Variants in FAR1 observed in about 807,000 individuals in gnomAD.
The protein encoded by FAR1 is fatty acyl-CoA reductase 1.
Under a neutral mutation model 61.1 loss-of-function variants are expected in FAR1, and 22 were observed. That is an observed-to-expected ratio of 0.36 (90% CI 0.26 to 0.51). FAR1 has a LOEUF of 0.51. FAR1 is among the 20% of genes least tolerant of loss of function. The probability of loss-of-function intolerance (pLI) is 0.95; values close to 1 mark genes in which losing one functional copy is unlikely to be tolerated. For synonymous variants in FAR1, 206 were observed against 209.7 expected (o/e 0.98, Z 0.15); for missense variants, 359 against 626.9 (o/e 0.57, Z 4.56).
At chr11:13,693,751 A>G (rs1042831849) in intron 1 of FAR1, among the ~76,000 whole-genome samples, 1 of 152,110 alleles carries the variant, frequency 6.6e-6, no homozygotes, top group African/African-American at 2.4e-5. Flanking sequence ...TATTCTACCA[A>G]TTCAGTCTTA....
At chr11:13,708,598 T>C (rs867032938) in intron 4 of FAR1, among the ~76,000 whole-genome samples, 6 of 152,238 alleles carry the variant, frequency 3.9e-5, no homozygotes, top group Middle Eastern at 6.8e-3. Flanking sequence ...CCAAGTATAA[T>C]GGTAATATTT....
chr11:13,712,167 A>G, intron 7 of FAR1, 121 bp downstream of exon 7: 2 of 698,416 alleles, frequency 2.9e-6, no homozygotes, highest in South Asian at 3.5e-5. Context: ...TTTAGGCTGT[A>G]TCACTGCCAA....
chr11:13,681,305 G>A (rs1848124380), intron 1 of FAR1, among the ~76,000 whole-genome samples: 1 of 152,174 alleles, frequency 6.6e-6, no homozygotes, highest in Non-Finnish European at 1.5e-5. Flanking sequence ...GTCCAACATG[G>A]GTTGGTGGTT....
chr11:13,694,704 T>C (rs1848289497), intron 1 of FAR1, 55 bp from the exon 2 acceptor site: 1 of 1,406,426 alleles, frequency 7.1e-7, no homozygotes, highest in East Asian at 2.3e-5. Context: ...ATTTTTAGTA[T>C]GAAAGAATGA....
intron 10 of FAR1, 81 bp from the exon 11 acceptor site, chr11:13,727,475 C>T: frequency 2.3e-6 from 3 of 1,328,716 alleles, no homozygotes; most frequent in East Asian, 5.1e-5. Flanking sequence ...TGGAACTGGC[C>T]TTTAGAAAAA....
intron 1 of FAR1, among the ~76,000 whole-genome samples, chr11:13,673,747 TTGTC>T (rs1237343323): frequency 2.0e-5 from 3 of 152,246 alleles, no homozygotes; most frequent in Admixed American, 2.0e-4. Context: ...AAGATGTATA[TTGTC>T]TATATTTACT....
Position 13,713,045 on chromosome 11 carries a change from C to T in FAR1, c.955+12C>T, listed in dbSNP as rs201418977. 1.9e-5 allele frequency: 31 copies of T among 1,608,954 alleles called. No individual in the cohort carries two copies. Among genetic ancestry groups the T allele is most frequent in the Middle Eastern group, 1.6e-4 (1 of 6,062 alleles). On this transcript the variant is annotated intron_variant, in intron 8 of 11. Coordinates refer to ENST00000354817, the MANE Select transcript of FAR1 (RefSeq NM_032228.6). ...CTGGGGTGAAGTTGGTATGATTTTA[C>T]CTGTGTTTTTGAATGTTAGAATAAA... is the stretch of plus-strand genomic sequence containing the variant.
At chr11:13,697,821 C>T (rs950864340) in intron 2 of FAR1, among the ~76,000 whole-genome samples, 5 of 152,040 alleles carry the variant, frequency 3.3e-5, no homozygotes, top group African/African-American at 1.2e-4. Context: ...TCTGCTTGCC[C>T]CATAAGGATT....
intron 1 of FAR1, among the ~76,000 whole-genome samples, chr11:13,675,586 A>G (rs1160355299): frequency 6.6e-6 from 1 of 152,194 alleles, no homozygotes; most frequent in African/African-American, 2.4e-5. Context: ...CTACTTTGTG[A>G]ATATATCACT....
At position 13,695,705 on chromosome 11, in the gene FAR1, G is replaced by A. The variant is rs1206281101; in HGVS notation, c.189+751G>A. 4.6e-5 allele frequency among the ~76,000 whole-genome samples: 7 copies of A among 152,144 alleles called. No homozygotes were observed. The South Asian group carries it at 8.3e-4, about 18-fold the overall frequency. On this transcript the variant is annotated intron_variant, in intron 2 of 11. Coordinates refer to ENST00000354817, the MANE Select transcript of FAR1 (RefSeq NM_032228.6). ...AACACTCATTTGAATATCTACATTC[G>A]TATAGGCCTCTTAAAAAATCCTGAA...
chr11:13,673,002 G>T (rs907338356), intron 1 of FAR1, among the ~76,000 whole-genome samples: 2 of 152,170 alleles, frequency 1.3e-5, no homozygotes, highest in Admixed American at 6.5e-5. Flanking sequence ...TAATGGGTTT[G>T]CAACAGGCTT....
intron 1 of FAR1, among the ~76,000 whole-genome samples, chr11:13,681,762 T>C (rs756965977): frequency 6.6e-6 from 1 of 152,154 alleles, no homozygotes; most frequent in Non-Finnish European, 1.5e-5. Flanking sequence ...CTCATAAAAA[T>C]TGTGGAAGAA....
At chr11:13,682,216 A>C (rs1848134851) in intron 1 of FAR1, among the ~76,000 whole-genome samples, 1 of 152,222 alleles carries the variant, frequency 6.6e-6, no homozygotes, top group Admixed American at 6.5e-5. Context: ...TTTGTTGGCC[A>C]TTTTACAGTG....
intron 10 of FAR1, among the ~76,000 whole-genome samples, chr11:13,726,758 G>A (rs1848670778): frequency 6.6e-6 from 1 of 150,404 alleles, no homozygotes; most frequent in African/African-American, 2.4e-5. Flanking sequence ...CTGTTCTTAT[G>A]GGATTCCCAA....
chr11:13,689,624 A>G (rs1245703459), intron 1 of FAR1, among the ~76,000 whole-genome samples: 9 of 152,200 alleles, frequency 5.9e-5, no homozygotes, highest in Non-Finnish European at 1.2e-4. Context: ...TGATGAACAT[A>G]TGTACTTATT....
chr11:13,724,048 ATTTG>A (rs1217706077), intron 10 of FAR1, among the ~76,000 whole-genome samples: 6 of 152,230 alleles, frequency 3.9e-5, no homozygotes, highest in African/African-American at 9.6e-5. Flanking sequence ...TTTAAAAAAT[ATTTG>A]TTTGACTATA....
intron 10 of FAR1, chr11:13,723,331 C>T (rs1848632744): frequency 2.6e-6 from 1 of 377,680 alleles, no homozygotes; most frequent in Non-Finnish European, 5.0e-6. Context: ...CGTCATTGCA[C>T]TCCAGCTTGA....
Position 13,683,541 on chromosome 11 carries a change from G to GT in FAR1, c.-7-11209dup, listed in dbSNP as rs148336133. On this transcript the variant is annotated intron_variant, in intron 1 of 11. Coordinates refer to ENST00000354817, the MANE Select transcript of FAR1 (RefSeq NM_032228.6). ...CTGTCTCTTCATTGGTAAGTTTTTT[G>GT]TTTTTTTTTAACAATTTTTCATAGA... 1.6e-3 allele frequency among the ~76,000 whole-genome samples: 236 copies of GT among 150,938 alleles called. 4 individuals are homozygous for GT. The South Asian group carries it at 0.036, about 23-fold the overall frequency.
rs1848704805 is a variant in FAR1 at position 13,729,824 on chromosome 11, A to G, written c.*1050A>G. ...ATACTAATTTTGACCTTGAAAGATGAATTCCTTCAAGAAAAATAAAATAAT... is the reference window on the plus strand; with the variant it reads ...ATACTAATTTTGACCTTGAAAGATGGATTCCTTCAAGAAAAATAAAATAAT... On this transcript the variant is annotated 3_prime_UTR_variant, in exon 12 of 12. Transcript: ENST00000354817. The G allele has an allele frequency of 1.3e-5, 2 of 152,272 alleles. No individual in the cohort carries two copies. The highest frequency in any genetic ancestry group is 4.1e-4 in the South Asian group (2 of 4,834). The allele number at this position is 152,272 out of a possible 1,614,324, so 9.4% of individuals were successfully genotyped here.
Sources: allele counts gnomAD v4.1 joint callset (sites outside exome capture counted in the v4.1 genomes callset), GRCh38; gene constraint gnomAD v4.1.1; transcripts MANE v1.5; gene names NCBI Gene and HGNC (gene_info 2026-07-23, HGNC 2026-07-21).